The following FRMPD2 variants were observed in gnomAD, a reference collection of about 807,000 sequenced individuals.
FRMPD2 encodes the protein FERM and PDZ domain-containing protein 2.
In FRMPD2, 96 loss-of-function variants were observed where a neutral mutation model predicts 140.1. The observed-to-expected ratio is 0.69, with a 90% confidence interval of 0.58 to 0.81. The LOEUF is 0.81. FRMPD2 is among the 40% of genes least tolerant of loss of function. The probability of loss-of-function intolerance (pLI) is 0.00; values close to 1 mark genes in which losing one functional copy is unlikely to be tolerated. For synonymous variants in FRMPD2, 449 were observed against 547.6 expected, an observed-to-expected ratio of 0.82 and a Z score of 2.52; for missense variants, 1,240 against 1,447.4, an observed-to-expected ratio of 0.86 and a Z score of 2.32.
Position 48,237,922 on chromosome 10 carries a change from C to A in FRMPD2, c.921+69G>T, listed in dbSNP as rs1173234591. 10 of 1,584,252 alleles carry A rather than the reference C, an allele frequency of 6.3e-6. No individual in the cohort carries two copies. In the Admixed American group the frequency reaches 1.5e-4, roughly 24 times the overall value. On this transcript the variant is annotated intron_variant, in intron 8 of 28. Transcript: ENST00000374201. ...GAAGACCCTGCCCATTTTCAGCCAC[C>A]GTGCCAGCCACCCACAGCTCCCTGC...
chr10:48,237,807 T>C (rs68069145), intron 8 of FRMPD2, among the ~76,000 whole-genome samples, 184 bp downstream of exon 8: 17,443 of 152,144 alleles, frequency 0.11, 1,033 homozygotes, highest in South Asian at 0.13. Flanking sequence ...CCAGTGAGGC[T>C]ACTCAGTGAA....
intron 2 of FRMPD2, among the ~76,000 whole-genome samples, chr10:48,250,312 C>A (rs938423442): frequency 1.3e-5 from 2 of 152,204 alleles, no homozygotes; most frequent in African/African-American, 2.4e-5. Flanking sequence ...AGATCTGAAC[C>A]CCAAACAGGG....
chr10:48,237,264 G>C (rs1442765471), intron 8 of FRMPD2, among the ~76,000 whole-genome samples: 1 of 152,192 alleles, frequency 6.6e-6, no homozygotes, highest in Non-Finnish European at 1.5e-5. Context: ...CAGCCCAGAA[G>C]TGACTTGTGT....
At chr10:48,223,634 TCCA>T (rs1839660225) in intron 10 of FRMPD2, among the ~76,000 whole-genome samples, 1 of 152,186 alleles carries the variant, frequency 6.6e-6, no homozygotes, top group South Asian at 2.1e-4. Flanking sequence ...GCCAGAACCC[TCCA>T]CCTCAGCTGT....
intron 10 of FRMPD2, among the ~76,000 whole-genome samples, chr10:48,224,525 C>T (rs916087132): frequency 1.3e-5 from 2 of 152,226 alleles, no homozygotes; most frequent in African/African-American, 4.8e-5. Flanking sequence ...CCTCTGCCAC[C>T]TGCCTCTGCC....
intron 15 of FRMPD2, among the ~76,000 whole-genome samples, chr10:48,200,466 G>T: frequency 6.6e-6 from 1 of 152,162 alleles, no homozygotes; most frequent in East Asian, 1.9e-4. Context: ...ATCTATAAAA[G>T]CCAAACCCTC....
chr10:48,183,851 C>CAAAAAAAA (rs57389978), intron 20 of FRMPD2, among the ~76,000 whole-genome samples: 32 of 76,786 alleles, frequency 4.2e-4, no homozygotes, highest in East Asian at 1.1e-3. Context: ...GACTCCATCT[C>CAAAAAAAA]AAAAAAAAAA....
At chr10:48,190,193 G>T (rs1370245389) in intron 16 of FRMPD2, among the ~76,000 whole-genome samples, 1 of 152,156 alleles carries the variant, frequency 6.6e-6, no homozygotes, top group Non-Finnish European at 1.5e-5. Context: ...TGCAGTGGTG[G>T]GGGGCAGTTC....
intron 2 of FRMPD2, among the ~76,000 whole-genome samples, chr10:48,250,783 G>C (rs1269349740): frequency 6.8e-6 from 1 of 147,440 alleles, no homozygotes; most frequent in Non-Finnish European, 1.5e-5. Context: ...TTAGAACACA[G>C]AGTAGGTCTG....
At position 48,253,612 on chromosome 10, in the gene FRMPD2, T is replaced by A. The variant is rs1377921367; in HGVS notation, c.26-1921A>T. On this transcript the variant is annotated intron_variant, in intron 1 of 28. Transcript: ENST00000374201. ...GGTAGACAACAAAGCAATCAATCCT[T>A]CAAAACTGAAAGAGAAATTAAGACC... 5.3e-5 allele frequency among the ~76,000 whole-genome samples: 8 copies of A among 152,144 alleles called. No individual in the cohort carries two copies. In the East Asian group the frequency reaches 5.8e-4, roughly 11 times the overall value.
Position 48,259,700 on chromosome 10 carries a change from A to C in FRMPD2, c.26-8009T>G, listed in dbSNP as rs1476737926. 2.6e-5 allele frequency among the ~76,000 whole-genome samples: 4 copies of C among 151,800 alleles called. No homozygotes were observed. The East Asian group carries it at 7.7e-4, about 29-fold the overall frequency. ...CATTTTTTTTTTAATCTTAAGAAGAAGGAAGCTAAGGTCATAGCCTGGGGT... is the reference window on the plus strand; with the variant it reads ...CATTTTTTTTTTAATCTTAAGAAGACGGAAGCTAAGGTCATAGCCTGGGGT... On this transcript the variant is annotated intron_variant, in intron 1 of 28. Coordinates refer to ENST00000374201, the MANE Select transcript of FRMPD2 (RefSeq NM_001018071.4).
chr10:48,260,780 T>C (rs1840575245), intron 1 of FRMPD2, among the ~76,000 whole-genome samples: 1 of 152,076 alleles, frequency 6.6e-6, no homozygotes, highest in African/African-American at 2.4e-5. Flanking sequence ...AAACTCAGTT[T>C]AAAGAGATAA....
rs1395730158 is a variant in FRMPD2 at position 48,206,867 on chromosome 10, C to T, written c.1678G>A (p.Glu560Lys). Residue 560 changes from glutamate to lysine, a missense_variant, in exon 14 of 29, where the codon GAA becomes AAA. Around this residue, in one of 6 missense-constraint regions of FRMPD2, gnomAD observed 1,161 missense variants for 1,055.9 expected, o/e 1.10. Transcript: ENST00000374201. ...HQVFSEKRRPEEEMALGICAK... is the reference protein window; with the variant it reads ...HQVFSEKRRPKEEMALGICAK... ...CAGATCCCCAGGGCCATCTCCTCTT[C>T]TGGCCTCCTCTTCTCTGAGAATACT... 2 of 1,614,026 alleles carry T rather than the reference C, an allele frequency of 1.2e-6. No homozygotes were observed. The highest frequency in any genetic ancestry group is 1.3e-5 in the African/African-American group (1 of 74,930).
At chr10:48,228,592 A>T (rs571689894) in intron 10 of FRMPD2, among the ~76,000 whole-genome samples, 1 of 152,094 alleles carries the variant, frequency 6.6e-6, no homozygotes, top group South Asian at 2.1e-4. Context: ...GTGTTATAAA[A>T]TAATGTTTTC....
intron 1 of FRMPD2, among the ~76,000 whole-genome samples, chr10:48,264,556 G>T (rs187718664): frequency 1.3e-5 from 2 of 151,958 alleles, no homozygotes; most frequent in African/African-American, 4.8e-5. Context: ...AAATTTTGAA[G>T]TATGTAGAAA....
intron 4 of FRMPD2, among the ~76,000 whole-genome samples, chr10:48,244,096 T>G (rs1447201152): frequency 1.3e-5 from 2 of 152,232 alleles, no homozygotes. Flanking sequence ...GCGATTCTCA[T>G]GCCTCAGCCT....
chr10:48,216,286 T>TGATG (rs760684746), intron 12 of FRMPD2, among the ~76,000 whole-genome samples: 2 of 115,936 alleles, frequency 1.7e-5, no homozygotes, highest in African/African-American at 3.3e-5. Flanking sequence ...GATACATAGA[T>TGATG]GATGGATAGA....
chr10:48,251,531 C>T (rs200535696), intron 2 of FRMPD2, 35 bp downstream of exon 2: 3 of 1,610,548 alleles, frequency 1.9e-6, no homozygotes, highest in African/African-American at 2.7e-5. Flanking sequence ...ACATACAACT[C>T]CCTGTGATTT....
intron 1 of FRMPD2, among the ~76,000 whole-genome samples, chr10:48,255,357 C>T (rs985553711): frequency 5.9e-5 from 9 of 152,164 alleles, no homozygotes; most frequent in African/African-American, 1.4e-4. Context: ...TGGCATGCCT[C>T]GGGCTAGAAT....
Sources: allele counts gnomAD v4.1 joint callset (sites outside exome capture counted in the v4.1 genomes callset), GRCh38; gene constraint gnomAD v4.1.1; regional missense constraint gnomAD v4.1.1; transcripts MANE v1.5; gene names NCBI Gene and HGNC (gene_info 2026-07-23, HGNC 2026-07-21).